The following PKNOX2 variants were observed in gnomAD, a reference collection of about 807,000 sequenced individuals.
The protein encoded by PKNOX2 is homeobox protein PKNOX2.
Under a neutral mutation model 53.1 loss-of-function variants are expected in PKNOX2, and 14 were observed. The observed-to-expected ratio is 0.26, with a 90% confidence interval of 0.17 to 0.41. The LOEUF (loss-of-function observed/expected upper bound fraction) is 0.41, where lower values mean the gene tolerates loss of function less well. Among genes scored for constraint, PKNOX2 ranks in the 10% least tolerant of loss-of-function variants. The pLI, the probability that PKNOX2 is intolerant of heterozygous loss-of-function variation, is 1.00. For synonymous variants in PKNOX2, 257 were observed against 242.8 expected (o/e 1.06, Z -0.54); for missense variants, 496 against 602.8 (o/e 0.82, Z 1.85).
intron 1 of PKNOX2, among the ~76,000 whole-genome samples, chr11:125,164,987 G>A (rs1477806600): frequency 1.3e-5 from 2 of 151,892 alleles, no homozygotes; most frequent in Non-Finnish European, 2.9e-5. Flanking sequence ...AGGGAGGAGG[G>A]AGGCAGGGAG....
intron 7 of PKNOX2, among the ~76,000 whole-genome samples, chr11:125,406,260 A>G (rs1014274497): frequency 4.6e-5 from 7 of 152,128 alleles, no homozygotes; most frequent in East Asian, 1.9e-4. Context: ...TCTCCATTCC[A>G]CGGCTCTAGA....
In PKNOX2 at chr11:125,252,328, C is replaced by T. The variant is rs190935935; in HGVS notation, c.-130+17213C>T. Among the ~76,000 whole-genome samples, 14 of 152,080 alleles carry T rather than the reference C, an allele frequency of 9.2e-5. No individual in the cohort carries two copies. In the East Asian group the frequency reaches 2.3e-3, roughly 25 times the overall value. ...TGGGGCTGGAGACTCTGGAGAGTCT[C>T]GAAGGACGTGGAAGAGTTTTAAGCA... is the stretch of plus-strand genomic sequence containing the variant. On this transcript the variant is annotated intron_variant, in intron 2 of 12. Transcript: ENST00000298282.
At chr11:125,343,066 G>A (rs942542405) in intron 3 of PKNOX2, among the ~76,000 whole-genome samples, 1 of 152,000 alleles carries the variant, frequency 6.6e-6, no homozygotes, top group African/African-American at 2.4e-5. Flanking sequence ...GGAGGGAGTT[G>A]GCTCAGAGCA....
chr11:125,269,688 A>C (rs1221847026), intron 2 of PKNOX2, among the ~76,000 whole-genome samples: 1 of 152,156 alleles, frequency 6.6e-6, no homozygotes, highest in African/African-American at 2.4e-5. Context: ...TGAAACAGGA[A>C]ACTCACTTCT....
At chr11:125,214,860 A>G (rs1940296117) in intron 1 of PKNOX2, among the ~76,000 whole-genome samples, 1 of 151,826 alleles carries the variant, frequency 6.6e-6, no homozygotes, top group Admixed American at 6.6e-5. Flanking sequence ...ACCCCTCTCT[A>G]TCCATAGTGG....
rs147512732 is a variant in PKNOX2, at chr11:125,370,770, G to C, written c.227+2785G>C. Among the ~76,000 whole-genome samples, 4 of 152,214 alleles carry C rather than the reference G, an allele frequency of 2.6e-5. No individual in the cohort carries two copies. Among genetic ancestry groups the C allele is most frequent in the South Asian group, 2.1e-4 (1 of 4,836 alleles). On this transcript the variant is annotated intron_variant, in intron 5 of 12. Coordinates refer to ENST00000298282, the MANE Select transcript of PKNOX2 (RefSeq NM_001382323.2). This position sits in a 1 kb window ranked among gnomAD's most constrained non-coding sequence, Gnocchi z 4.1. ...AGGGAGCTCAGCCTCCTGTAGGGTC[G>C]GGTAATTTTAATTAGATTTGCCTGC...
At chr11:125,289,844 A>G (rs1947191584) in intron 2 of PKNOX2, among the ~76,000 whole-genome samples, 1 of 152,102 alleles carries the variant, frequency 6.6e-6, no homozygotes, top group South Asian at 2.1e-4. Context: ...CTGTGTAAGC[A>G]CCTTCACCGG....
chr11:125,410,513 C>T (rs1591562101), intron 8 of PKNOX2, 188 bp downstream of exon 8: 2 of 869,274 alleles, frequency 2.3e-6, no homozygotes, highest in East Asian at 2.7e-5. Context: ...TGGTTTAGAA[C>T]AAATTTGGGT....
intron 2 of PKNOX2, among the ~76,000 whole-genome samples, chr11:125,292,522 G>C (rs567892162): frequency 6.6e-6 from 1 of 152,158 alleles, no homozygotes; most frequent in Non-Finnish European, 1.5e-5. Context: ...GTTGATTCTG[G>C]GTTCTGGGGG....
chr11:125,219,194 G>A (rs372208220), intron 1 of PKNOX2, among the ~76,000 whole-genome samples: 1 of 152,096 alleles, frequency 6.6e-6, no homozygotes, highest in African/African-American at 2.4e-5. Flanking sequence ...AGCACTTAGG[G>A]AGGCCAAGGC....
intron 1 of PKNOX2, among the ~76,000 whole-genome samples, chr11:125,221,486 T>A (rs1941147707): frequency 6.6e-6 from 1 of 152,132 alleles, no homozygotes; most frequent in African/African-American, 2.4e-5. Context: ...GGGGCCAGAA[T>A]GAAAAATGGA....
chr11:125,425,360 C>G (rs1012157547), intron 10 of PKNOX2, among the ~76,000 whole-genome samples: 3 of 152,236 alleles, frequency 2.0e-5, no homozygotes, highest in African/African-American at 4.8e-5. Context: ...CTGTCATCTT[C>G]TAGTCTGTTC....
intron 4 of PKNOX2, among the ~76,000 whole-genome samples, chr11:125,360,572 G>C (rs1254742078): frequency 6.6e-6 from 1 of 152,138 alleles, no homozygotes; most frequent in African/African-American, 2.4e-5. Context: ...AACCTTCTGT[G>C]ACACCAGGGG....
At chr11:125,188,682 C>G (rs1327567544) in intron 1 of PKNOX2, among the ~76,000 whole-genome samples, 1 of 152,114 alleles carries the variant, frequency 6.6e-6, no homozygotes, top group African/African-American at 2.4e-5. Context: ...TGGTAATCAA[C>G]ACTCTCAGGG....
intron 2 of PKNOX2, among the ~76,000 whole-genome samples, chr11:125,237,124 C>A (rs574078722): frequency 6.6e-6 from 1 of 152,286 alleles, no homozygotes; most frequent in African/African-American, 2.4e-5. Context: ...GGCTTTGATG[C>A]TAGCTGTTGG....
chr11:125,358,270 A>G (rs1951729910), intron 4 of PKNOX2, among the ~76,000 whole-genome samples: 1 of 152,230 alleles, frequency 6.6e-6, no homozygotes, highest in Non-Finnish European at 1.5e-5. Flanking sequence ...ACACACATAG[A>G]TGTGCACACA....
In PKNOX2 at chr11:125,367,944, C is replaced by T. The variant is rs1299680525; in HGVS notation, c.186C>T (p.Asp62=). The T allele has an allele frequency of 1.2e-6, 2 of 1,613,148 alleles. No individual in the cohort carries two copies. Among genetic ancestry groups the T allele is most frequent in the Non-Finnish European group, 1.7e-6 (2 of 1,179,562 alleles). The stretch of plus-strand genomic sequence containing the variant: ...CACCTGTGCCCAGTGCCCCCATCGA[C>T]CCCCAGGCCCAGCTGGAGGCTGACA... The part of the protein sequence containing the change: ...ASTPVPSAPI[D]PQAQLEADKR... Residue 62 remains aspartate (D), a synonymous_variant, in exon 5 of 13, where the codon GAC becomes GAT. Coordinates refer to ENST00000298282, the MANE Select transcript of PKNOX2 (RefSeq NM_001382323.2).
intron 4 of PKNOX2, among the ~76,000 whole-genome samples, chr11:125,353,715 T>C (rs1565504395): frequency 6.6e-6 from 1 of 152,244 alleles, no homozygotes; most frequent in East Asian, 1.9e-4. Flanking sequence ...TGCCATCTAT[T>C]TGTAACCCTG....
At chr11:125,225,288 T>C (rs944157165) in intron 1 of PKNOX2, among the ~76,000 whole-genome samples, 1 of 152,184 alleles carries the variant, frequency 6.6e-6, no homozygotes, top group African/African-American at 2.4e-5. Context: ...TGTGGGCTCC[T>C]TGAGGGCAGG....
Sources: gnomAD v4.1 joint callset for allele counts (sites outside exome capture counted in the v4.1 genomes callset) on GRCh38, gnomAD v4.1.1 for gene constraint, Gnocchi (gnomAD v3.1) non-coding constraint, MANE v1.5 for transcripts, NCBI Gene and HGNC (gene_info 2026-07-23, HGNC 2026-07-21) for gene names.